RAD54L2: variants seen among roughly 807,000 people sequenced by gnomAD.
RAD54L2 encodes the protein RAD54 like 2, also known as helicase ARIP4.
A neutral mutation model predicts 138.4 loss-of-function variants in RAD54L2; 27 were observed. That is an observed-to-expected ratio of 0.20 (90% confidence interval 0.14 to 0.27). The LOEUF is 0.27. RAD54L2 is among the 10% of genes least tolerant of loss of function. The pLI is 1.00. For synonymous variants in RAD54L2, 644 were observed against 723.2 expected (o/e 0.89, Z 1.76); for missense variants, 1,396 against 1,890.2 (o/e 0.74, Z 4.85).
chr3:51,578,518 TC>T (rs1355439281), intron 2 of RAD54L2, among the ~76,000 whole-genome samples: 3 of 152,152 alleles, frequency 2.0e-5, no homozygotes. Flanking sequence ...TCACTACTGA[TC>T]TTCATTGGTT....
intron 2 of RAD54L2, among the ~76,000 whole-genome samples, chr3:51,551,738 A>G (rs1698842805): frequency 6.6e-6 from 1 of 150,664 alleles, no homozygotes. Context: ...CCCGGCCTGT[A>G]GGATACATTT....
chr3:51,604,760 T>C (rs910853702), intron 3 of RAD54L2, among the ~76,000 whole-genome samples: 1 of 152,150 alleles, frequency 6.6e-6, no homozygotes, highest in Non-Finnish European at 1.5e-5. Context: ...TTAGATGGCC[T>C]TGGACATGAC....
chr3:51,644,020 G>T (rs1209780324), intron 16 of RAD54L2, 46 bp downstream of exon 16: 1 of 1,467,510 alleles, frequency 6.8e-7, no homozygotes, highest in Non-Finnish European at 9.3e-7. Context: ...TGTTCAGGCA[G>T]TTGGCCACCT....
At chr3:51,601,109 T>TA (rs1700070120) in intron 3 of RAD54L2, among the ~76,000 whole-genome samples, 2 of 152,148 alleles carry the variant, frequency 1.3e-5, no homozygotes. Flanking sequence ...GAACTGAAAT[T>TA]AAGAGTACTG....
chr3:51,567,259 A>G (rs1699237983), intron 2 of RAD54L2, among the ~76,000 whole-genome samples: 1 of 152,174 alleles, frequency 6.6e-6, no homozygotes, highest in Non-Finnish European at 1.5e-5. Context: ...TTTAAAAAGG[A>G]CAGTTATTAT....
rs1701844505 is a variant in RAD54L2 at position 51,663,595 on chromosome 3, A to C, written c.*175A>C. ...TCTGTTGCTGTTTAACAAAAGAGGC[A>C]AAAAAAAAAAAAAAAAAAAAAAAGT... On this transcript the variant is annotated 3_prime_UTR_variant, in exon 23 of 23. Coordinates refer to ENST00000684192, the MANE Select transcript of RAD54L2 (RefSeq NM_015106.4). 2 of 10,922 alleles carry C rather than the reference A, an allele frequency of 1.8e-4. No individual in the cohort carries two copies. Among genetic ancestry groups the C allele is most frequent in the Non-Finnish European group, 5.8e-4 (2 of 3,472 alleles). The allele number at this position is 10,922 out of a possible 1,614,324, so 0.7% of individuals were successfully genotyped here.
rs977102416 is a variant in RAD54L2 at position 51,599,575 on chromosome 3, G to C, written c.139+9016G>C. Among the ~76,000 whole-genome samples the C allele has an allele frequency of 1.6e-4, 25 of 151,612 alleles. 1 individual carries two copies. The highest frequency in any genetic ancestry group is 5.6e-4 in the African/African-American group (23 of 41,270). ...CTTTTCTTTTCTTTTTTTTGGGACA[G>C]AGTCTCATGCTCTGTCACCCAGGCT... On this transcript the variant is annotated intron_variant, in intron 3 of 22. Coordinates refer to ENST00000684192, the MANE Select transcript of RAD54L2 (RefSeq NM_015106.4).
At chr3:51,653,822 C>T (rs941006036) in intron 19 of RAD54L2, among the ~76,000 whole-genome samples, 1 of 152,104 alleles carries the variant, frequency 6.6e-6, no homozygotes, top group Non-Finnish European at 1.5e-5. Flanking sequence ...AGGAGAAATA[C>T]CTAATGTTAA....
At chr3:51,581,413 T>A (rs1699606406) in intron 2 of RAD54L2, among the ~76,000 whole-genome samples, 1 of 152,154 alleles carries the variant, frequency 6.6e-6, no homozygotes, top group Non-Finnish European at 1.5e-5. Flanking sequence ...ATAAAAGGAT[T>A]CATATAGAAT....
At chr3:51,653,630 A>G (rs1309825788) in intron 19 of RAD54L2, among the ~76,000 whole-genome samples, 1 of 152,210 alleles carries the variant, frequency 6.6e-6, no homozygotes, top group Non-Finnish European at 1.5e-5. Flanking sequence ...TGTCCTTTGT[A>G]GGGACATGGA....
At position 51,637,258 on chromosome 3, in the gene RAD54L2, G is replaced by A; in HGVS notation, c.1437G>A (p.Leu479=). The change falls in exon 11 of 23, where the codon CTG becomes CTA. Residue 479 remains leucine (L), a synonymous_variant. Coordinates refer to ENST00000684192, the MANE Select transcript of RAD54L2 (RefSeq NM_015106.4). The surrounding 1 kb of genome is among the most constrained non-coding windows in gnomAD (Gnocchi z 5.9). ...GCCAGGCCAGCACCTCACAGGCTCT[G>A]AAGAATATCCGCTCTCGCCGCCGGG... is the stretch of plus-strand genomic sequence containing the variant. ...KNCQASTSQA[L]KNIRSRRRVV... is the part of the protein sequence containing the mutation. The A allele has an allele frequency of 1.2e-6, 2 of 1,604,642 alleles. No homozygotes were observed. The highest frequency in any genetic ancestry group is 1.7e-6 in the Non-Finnish European group (2 of 1,175,644).
At chr3:51,660,177 G>C in intron 22 of RAD54L2, 59 bp downstream of exon 22, 2 of 1,400,052 alleles carry the variant, frequency 1.4e-6, no homozygotes, top group Non-Finnish European at 2.0e-6. Flanking sequence ...GCTTTGTTTT[G>C]GTTAGGTATT....
Position 51,638,421 on chromosome 3 carries a change from A to C in RAD54L2, c.1860+100A>C. 1 of 1,430,106 alleles carries C rather than the reference A, an allele frequency of 7.0e-7. No homozygotes were observed. Among genetic ancestry groups the C allele is most frequent in the Non-Finnish European group, 9.6e-7 (1 of 1,043,180 alleles). 88.6% of individuals were successfully genotyped at this position (1,430,106 alleles called of 1,614,324 possible). ...AGAGTCTTCAATAAAGGGAGAATAA[A>C]GTGAGAGGGGGCCACCTCAGTTCAC... On this transcript the variant is annotated intron_variant, in intron 12 of 22. Coordinates refer to ENST00000684192, the MANE Select transcript of RAD54L2 (RefSeq NM_015106.4). The surrounding 1 kb of genome is among the most constrained non-coding windows in gnomAD (Gnocchi z 4.3).
At chr3:51,555,868 TAAAGTC>T (rs1343555834) in intron 2 of RAD54L2, among the ~76,000 whole-genome samples, 1 of 152,226 alleles carries the variant, frequency 6.6e-6, no homozygotes, top group Non-Finnish European at 1.5e-5. Context: ...AAGCTGAAAT[TAAAGTC>T]AAATGGTTGA....
chr3:51,608,210 G>A (rs1316076016), intron 3 of RAD54L2, among the ~76,000 whole-genome samples: 3 of 147,902 alleles, frequency 2.0e-5, no homozygotes, highest in African/African-American at 5.0e-5. Flanking sequence ...GGGCAGAGGC[G>A]CTCTTCACAT....
In RAD54L2 at chr3:51,630,386, A is replaced by T. The variant is rs759584593; in HGVS notation, c.596A>T (p.Asp199Val). Reference sequence around the variant, plus strand: ...AGTGAGGATGAAAAAAGCAGTCGAGATGGTAAGATCAAACCAGGTGCCTCC... The same window carrying T: ...AGTGAGGATGAAAAAAGCAGTCGAGTTGGTAAGATCAAACCAGGTGCCTCC... ...SGSEDEKSSR[D>V]EVIELSSGEE... Residue 199 changes from aspartate (D) to valine (V), a missense_variant and splice_region_variant, in exon 6 of 23, where the codon GAT becomes GTT. Asp to Val is a radical substitution (Grantham distance 152). This residue lies in a region of RAD54L2 where 256 missense variants were observed against 344.6 expected (regional missense o/e 0.74). Transcript: ENST00000684192. 6.2e-7 allele frequency: 1 copy of T among 1,612,898 alleles called. No individual in the cohort carries two copies. The highest frequency in any genetic ancestry group is 1.1e-5 in the South Asian group (1 of 91,058).
At chr3:51,623,234 GACA>G (rs1365659577) in intron 3 of RAD54L2, among the ~76,000 whole-genome samples, 5 of 152,180 alleles carry the variant, frequency 3.3e-5, no homozygotes, top group Non-Finnish European at 5.9e-5. Context: ...TTCATTTTGT[GACA>G]ACAAGATGCA....
chr3:51,545,871 T>C (rs1698679468), intron 2 of RAD54L2, among the ~76,000 whole-genome samples: 1 of 151,612 alleles, frequency 6.6e-6, no homozygotes, highest in Non-Finnish European at 1.5e-5. Context: ...GTGATTAGAC[T>C]GCATAGAAAT....
In RAD54L2 at chr3:51,633,715, C is replaced by T. The variant is rs753318065; in HGVS notation, c.964C>T (p.Leu322Phe). Residue 322 changes from leucine to phenylalanine, a missense_variant, in exon 8 of 23, where the codon CTC becomes TTC. Transcript: ENST00000684192. ...TLQVISFIDV[L>F]FRHTPAKTVL... ...GCAAGTGATCTCTTTCATCGACGTC[C>T]TCTTCCGCCACACGCCAGCCAAAAC... is the stretch of plus-strand genomic sequence containing the variant. The T allele has an allele frequency of 2.5e-6, 4 of 1,613,850 alleles. No homozygotes were observed. The highest frequency in any genetic ancestry group is 3.4e-6 in the Non-Finnish European group (4 of 1,179,894).
Sources: allele counts gnomAD v4.1 joint callset (sites outside exome capture counted in the v4.1 genomes callset), GRCh38; gene constraint gnomAD v4.1.1; regional missense constraint gnomAD v4.1.1; non-coding constraint Gnocchi (gnomAD v3.1); transcripts MANE v1.5; gene names NCBI Gene and HGNC (gene_info 2026-07-23, HGNC 2026-07-21).